GRIN3B: variants seen among roughly 807,000 people sequenced by gnomAD.
The protein encoded by GRIN3B is glutamate receptor ionotropic, NMDA 3B.
Under a neutral mutation model 66.0 loss-of-function variants are expected in GRIN3B, and 77 were observed. That is an observed-to-expected ratio of 1.17 (90% CI 0.97 to 1.41). The LOEUF is 1.41. GRIN3B is among the 40% of genes most tolerant of loss of function. GRIN3B has a pLI of 0.00. For missense variants in GRIN3B, 1,787 were observed against 1,564.5 expected, an observed-to-expected ratio of 1.14 and a Z score of -2.40; for synonymous variants, 823 against 749.7, an observed-to-expected ratio of 1.10 and a Z score of -1.60.
At chr19:1,009,139 C>T (rs771188372) in intron 8 of GRIN3B, 34 bp from the exon 9 acceptor site, 20 of 1,442,976 alleles carry the variant, frequency 1.4e-5, no homozygotes, top group South Asian at 8.7e-5. Context: ...ACGGCTGCCC[C>T]GGCGGACACT....
Position 1,005,336 on chromosome 19 carries a change from C to T in GRIN3B, c.1835C>T (p.Thr612Ile), listed in dbSNP as rs748955009. The change falls in exon 3 of 9, where the codon ACC becomes ATC. Residue 612 changes from threonine to isoleucine, a missense_variant. Coordinates refer to ENST00000234389, the MANE Select transcript of GRIN3B (RefSeq NM_138690.3). This position sits in a 1 kb window ranked among gnomAD's most constrained non-coding sequence, Gnocchi z 5.2. ...ACGCCACGTGGCCGCAACCGCAGCA[C>T]CGTCTTCTCCTACTCCTCAGCCCTC... ...GLTPRGRNRS[T>I]VFSYSSALNL... 6 of 1,613,784 alleles carry T rather than the reference C, an allele frequency of 3.7e-6. No individual in the cohort carries two copies. Among genetic ancestry groups the T allele is most frequent in the Non-Finnish European group, 5.1e-6 (6 of 1,180,006 alleles).
Position 1,004,744 on chromosome 19 carries a change from C to G in GRIN3B, c.1243C>G (p.Pro415Ala), listed in dbSNP as rs1193630389. 1 of 1,610,306 alleles carries G rather than the reference C, an allele frequency of 6.2e-7. No homozygotes were observed. Among genetic ancestry groups the G allele is most frequent in the South Asian group, 1.1e-5 (1 of 90,898 alleles). ...GCCCCCACAGGGTGCCCAGGTCTGG[C>G]CCAAGCTGCGTGTGGTAACGCTGTT... The part of the protein sequence containing the change: ...PPPPQGAQVW[P>A]KLRVVTLLEH... Residue 415 changes from proline (P) to alanine (A), a missense_variant, in exon 3 of 9, where the codon CCC (proline) becomes GCC (alanine). Transcript: ENST00000234389.
At position 1,000,770 on chromosome 19, in the gene GRIN3B, C is replaced by A. The variant is rs1304810127; in HGVS notation, c.333C>A (p.Pro111=). The A allele has an allele frequency of 2.1e-6, 3 of 1,449,424 alleles. No individual in the cohort carries two copies. In the East Asian group the frequency reaches 9.1e-5, roughly 44 times the overall value. 89.8% of individuals were successfully genotyped at this position (1,449,424 alleles called of 1,614,324 possible). A position where few individuals can be genotyped will look rare whatever the true frequency, so the allele number is the denominator to read the frequency against. The part of the protein sequence containing the change: ...AALLAFPEAR[P]ELLQLHFLAA... ...TGCTCGCCTTTCCCGAGGCTCGGCC[C>A]GAGCTGCTGCAGCTGCACTTCCTGG... Residue 111 remains proline (P), a synonymous_variant, in exon 1 of 9, where the codon CCC becomes CCA. Transcript: ENST00000234389.
In GRIN3B at chr19:1,004,918, C is replaced by G. The variant is rs754737058; in HGVS notation, c.1417C>G (p.Arg473Gly). 2.5e-6 allele frequency: 4 copies of G among 1,611,914 alleles called. No individual in the cohort carries two copies. Among genetic ancestry groups the G allele is most frequent in the Admixed American group, 1.7e-5 (1 of 59,980 alleles). ...LANGSAPRAL[R>G]KCCYGYCIDL... ...CAACGGCTCAGCGCCCCGTGCCCTG[C>G]GCAAGTGCTGCTACGGCTACTGCAT... Residue 473 changes from arginine (R) to glycine (G), a missense_variant, in exon 3 of 9, where the codon CGC (arginine) becomes GGC (glycine). Coordinates refer to ENST00000234389, the MANE Select transcript of GRIN3B (RefSeq NM_138690.3).
Position 1,000,848 on chromosome 19 carries a change from G to A in GRIN3B, c.411G>A (p.Ala137=). The change falls in exon 1 of 9, where the codon GCG becomes GCA. Residue 137 remains alanine, a synonymous_variant. Transcript: ENST00000234389. ...VLSLLRREAR[A]PLGAPNPFHL... ...GCCTGCTGCGGCGGGAGGCGCGCGC[G>A]CCCCTCGGAGCCCCGGTACGCGGGA... 2 of 1,418,320 alleles carry A rather than the reference G, an allele frequency of 1.4e-6. No individual in the cohort carries two copies. Among genetic ancestry groups the A allele is most frequent in the Non-Finnish European group, 1.8e-6 (2 of 1,091,050 alleles). The allele number at this position is 1,418,320 out of a possible 1,614,324, so 87.9% of individuals were successfully genotyped here. A position where few individuals can be genotyped will look rare whatever the true frequency, so the allele number is the denominator to read the frequency against.
rs2038719065 is a variant in GRIN3B at position 1,004,526 on chromosome 19, T to A, written c.1025T>A (p.Leu342Gln). 1 of 826,716 alleles carries A rather than the reference T, an allele frequency of 1.2e-6. No homozygotes were observed. The highest frequency in any genetic ancestry group is 1.3e-5 in the South Asian group (1 of 74,744). The allele number at this position is 826,716 out of a possible 1,614,324, so 51.2% of individuals were successfully genotyped here. A position where few individuals can be genotyped will look rare whatever the true frequency, so the allele number is the denominator to read the frequency against. Residue 342 changes from leucine (L) to glutamine (Q), a missense_variant, in exon 3 of 9, where the codon CTG (leucine) becomes CAG (glutamine). By Grantham distance (113) the Leu-to-Gln change is moderately radical (BLOSUM62 -2). Coordinates refer to ENST00000234389, the MANE Select transcript of GRIN3B (RefSeq NM_138690.3). ...ESPGRFLARF[L>Q]ANTSFQGRTG... The stretch of plus-strand genomic sequence containing the variant: ...CCCCCCCGCCCTGCCCCTAGGTTCC[T>A]GGCCAACACGTCCTTCCAGGGCCGC...
chr19:1,005,519 C>A lies in GRIN3B; in HGVS notation c.2018C>A (p.Thr673Asn). 1 of 1,611,144 alleles carries A rather than the reference C, an allele frequency of 6.2e-7. No individual in the cohort carries two copies. The highest frequency in any genetic ancestry group is 8.5e-7 in the Non-Finnish European group (1 of 1,178,638). Reference protein sequence around the residue: ...NLAAVMVGDKTFEELSGIHDP... With the variant: ...NLAAVMVGDKNFEELSGIHDP... ...GCTGCCGTCATGGTCGGGGACAAGA[C>A]CTTCGAGGAGCTGTCGGGGATCCAC... The change falls in exon 3 of 9, where the codon ACC becomes AAC. Residue 673 changes from threonine (T) to asparagine (N), a missense_variant. Physicochemically the swap from Thr to Asn is moderately conservative, Grantham distance 65. Coordinates refer to ENST00000234389, the MANE Select transcript of GRIN3B (RefSeq NM_138690.3). This position sits in a 1 kb window ranked among gnomAD's most constrained non-coding sequence, Gnocchi z 5.2.
chr19:1,009,322 A>T lies in GRIN3B; in HGVS notation c.2852A>T (p.Glu951Val). ...GTTGTGGCACCCGAAGCGGACGCGG[A>T]GGCGGAGGCTGCGCCGCGAGAGGGC... ...AVVVAPEADA[E>V]AEAAPREGPV... Residue 951 changes from glutamate (E) to valine (V), a missense_variant, in exon 9 of 9, where the codon GAG becomes GTG. Coordinates refer to ENST00000234389, the MANE Select transcript of GRIN3B (RefSeq NM_138690.3). The T allele has an allele frequency of 1.4e-5, 19 of 1,402,020 alleles. No individual in the cohort carries two copies. Among genetic ancestry groups the T allele is most frequent in the Non-Finnish European group, 1.7e-5 (19 of 1,087,650 alleles). The allele number at this position is 1,402,020 out of a possible 1,614,324, so 86.8% of individuals were successfully genotyped here.
chr19:1,006,651 T>C (rs549035205), intron 3 of GRIN3B, among the ~76,000 whole-genome samples: 2 of 152,094 alleles, frequency 1.3e-5, no homozygotes, highest in Non-Finnish European at 2.9e-5. Context: ...CCCCGTAGTG[T>C]CTCTGAACTT....
intron 6 of GRIN3B, 49 bp from the exon 7 acceptor site, chr19:1,008,569 G>C: frequency 6.4e-7 from 1 of 1,569,428 alleles, no homozygotes; most frequent in African/African-American, 1.3e-5. Context: ...GGCTCCCCAG[G>C]GGCCTGCCAT....
At chr19:1,003,805 G>A in intron 2 of GRIN3B, 83 bp downstream of exon 2, 4 of 1,102,824 alleles carry the variant, frequency 3.6e-6, no homozygotes, top group Non-Finnish European at 4.8e-6. Flanking sequence ...GGCAACGTGA[G>A]GCCAGACGCG....
In GRIN3B at chr19:1,007,553, C is replaced by G; in HGVS notation, c.2053-75C>G. 7.4e-7 allele frequency: 1 copy of G among 1,353,774 alleles called. No homozygotes were observed. The highest frequency in any genetic ancestry group is 9.5e-7 in the Non-Finnish European group (1 of 1,055,136). The allele number at this position is 1,353,774 out of a possible 1,614,324, so 83.9% of individuals were successfully genotyped here. Reference sequence around the variant, plus strand: ...TGCAGTGCCCAGGACGGCCCCACCCCGGAGAACGGCGCGCCCCTCAATGGT... The same window carrying G: ...TGCAGTGCCCAGGACGGCCCCACCCGGGAGAACGGCGCGCCCCTCAATGGT... On this transcript the variant is annotated intron_variant, in intron 3 of 8. Transcript: ENST00000234389. The surrounding 1 kb of genome is among the most constrained non-coding windows in gnomAD (Gnocchi z 4.4).
rs892416118 is a variant in GRIN3B, at chr19:1,007,339, C to A, written c.2053-289C>A. Among the ~76,000 whole-genome samples, 5 of 151,986 alleles carry A rather than the reference C, an allele frequency of 3.3e-5. No homozygotes were observed. The highest frequency in any genetic ancestry group is 7.4e-5 in the Non-Finnish European group (5 of 67,956). On this transcript the variant is annotated intron_variant, in intron 3 of 8. Coordinates refer to ENST00000234389, the MANE Select transcript of GRIN3B (RefSeq NM_138690.3). This position sits in a 1 kb window ranked among gnomAD's most constrained non-coding sequence, Gnocchi z 4.4. ...AGGAGGTGGTGGGATAGGCGTCCAGCCCAGGGCGAGGTCCAGGTGGAGATG... is the reference window on the plus strand; with the variant it reads ...AGGAGGTGGTGGGATAGGCGTCCAGACCAGGGCGAGGTCCAGGTGGAGATG...
Position 1,003,227 on chromosome 19 carries a change from G to T in GRIN3B, c.524G>T (p.Gly175Val). ...VLQAHAWEDVGLALCRTQDPG... is the reference protein window; with the variant it reads ...VLQAHAWEDVVLALCRTQDPG... ...CAGGCGCACGCCTGGGAAGACGTCG[G>T]CCTGGCCCTGTGCCGCACTCAGGAC... The change falls in exon 2 of 9, where the codon GGC (glycine) becomes GTC (valine). Residue 175 changes from glycine (G) to valine (V), a missense_variant. Gly to Val is a moderately radical substitution (Grantham distance 109, BLOSUM62 -3). Coordinates refer to ENST00000234389, the MANE Select transcript of GRIN3B (RefSeq NM_138690.3). 1 of 1,574,142 alleles carries T rather than the reference G, an allele frequency of 6.4e-7. No individual in the cohort carries two copies. The highest frequency in any genetic ancestry group is 1.2e-5 in the South Asian group (1 of 86,362).
rs188035828 is a variant in GRIN3B at position 1,005,165 on chromosome 19, T to G, written c.1664T>G (p.Ile555Ser). ...CCCTTCTTCTCCACCAGCCTGGGCA[T>G]CATGGTGCGGGCACGGGACACGGCC... ...TSPFFSTSLG[I>S]MVRARDTASP... is the part of the protein sequence containing the mutation. Residue 555 changes from isoleucine (I) to serine (S), a missense_variant, in exon 3 of 9, where the codon ATC becomes AGC. Physicochemically the swap from Ile to Ser is moderately radical, Grantham distance 142. Transcript: ENST00000234389. The surrounding 1 kb of genome is among the most constrained non-coding windows in gnomAD (Gnocchi z 5.2). 3 of 1,613,492 alleles carry G rather than the reference T, an allele frequency of 1.9e-6. No individual in the cohort carries two copies. In the Admixed American group the frequency reaches 5.0e-5, roughly 27 times the overall value.
At position 1,009,574 on chromosome 19, in the gene GRIN3B, A is replaced by T; in HGVS notation, c.3104A>T (p.His1035Leu). ...GCGGCCCCCGCGGAGGCCCCACCAC[A>T]CTCTGGCCGACCGGGGAGCCAGGAA... is the stretch of plus-strand genomic sequence containing the variant. ...ARAAPAEAPP[H>L]SGRPGSQE Residue 1035 changes from histidine (H) to leucine (L), a missense_variant, in exon 9 of 9, where the codon CAC becomes CTC. His to Leu is a moderately conservative substitution (Grantham distance 99). Coordinates refer to ENST00000234389, the MANE Select transcript of GRIN3B (RefSeq NM_138690.3). The T allele has an allele frequency of 1.1e-6, 1 of 887,574 alleles. No individual in the cohort carries two copies. Among genetic ancestry groups the T allele is most frequent in the Non-Finnish European group, 1.5e-6 (1 of 659,306 alleles). The allele number at this position is 887,574 out of a possible 1,614,324, so 55.0% of individuals were successfully genotyped here.
chr19:1,004,743 G>C lies in GRIN3B; in HGVS notation c.1242G>C (p.Trp414Cys), dbSNP rs545415520. Residue 414 changes from tryptophan to cysteine, a missense_variant, in exon 3 of 9, where the codon TGG becomes TGC. Transcript: ENST00000234389. ...CGCCCCCACAGGGTGCCCAGGTCTG[G>C]CCCAAGCTGCGTGTGGTAACGCTGT... Reference protein sequence around the residue: ...RPPPPQGAQVWPKLRVVTLLE... With the variant: ...RPPPPQGAQVCPKLRVVTLLE... 1.9e-6 allele frequency: 3 copies of C among 1,610,280 alleles called. No homozygotes were observed. The highest frequency in any genetic ancestry group is 3.3e-5 in the Admixed American group (2 of 59,896).
chr19:1,004,942 A>C lies in GRIN3B; in HGVS notation c.1441A>C (p.Ile481Leu), dbSNP rs1599457647. Reference protein sequence around the residue: ...ALRKCCYGYCIDLLERLAEDT... With the variant: ...ALRKCCYGYCLDLLERLAEDT... ...GCGCAAGTGCTGCTACGGCTACTGC[A>C]TTGACCTGCTGGAGCGGCTGGCGGA... The change falls in exon 3 of 9, where the codon ATT becomes CTT. Residue 481 changes from isoleucine (I) to leucine (L), a missense_variant. Coordinates refer to ENST00000234389, the MANE Select transcript of GRIN3B (RefSeq NM_138690.3). The C allele has an allele frequency of 6.2e-7, 1 of 1,612,210 alleles. No individual in the cohort carries two copies. Among genetic ancestry groups the C allele is most frequent in the Non-Finnish European group, 8.5e-7 (1 of 1,179,602 alleles).
At chr19:1,009,045 C>G in intron 8 of GRIN3B, 118 bp downstream of exon 8, 1 of 1,457,444 alleles carries the variant, frequency 6.9e-7, no homozygotes, top group Non-Finnish European at 9.2e-7. Flanking sequence ...CGCCCACCCC[C>G]GGACGTGCAC....
Sources: gnomAD v4.1 joint callset for allele counts (sites outside exome capture counted in the v4.1 genomes callset) on GRCh38, gnomAD v4.1.1 for gene constraint, Gnocchi (gnomAD v3.1) non-coding constraint, MANE v1.5 for transcripts, NCBI Gene and HGNC (gene_info 2026-07-23, HGNC 2026-07-21) for gene names.